DCC: variants seen among roughly 807,000 people sequenced by gnomAD.
The protein encoded by DCC is DCC netrin 1 receptor, also known as netrin receptor DCC.
Under a neutral mutation model 172.5 loss-of-function variants are expected in DCC, and 58 were observed. The ratio of observed to expected loss-of-function variants is 0.34; its 90% CI spans 0.27 to 0.42. DCC has a LOEUF of 0.42. DCC is among the 10% of genes least tolerant of loss of function. The pLI, the probability that DCC is intolerant of heterozygous loss-of-function variation, is 1.00. For missense variants in DCC, 1,740 were observed against 1,791.0 expected (o/e 0.97, Z 0.51); for synonymous variants, 709 against 644.5 (o/e 1.10, Z -1.52).
intron 9 of DCC, among the ~76,000 whole-genome samples, chr18:53,199,602 A>G (rs2055504170): frequency 2.3e-5 from 1 of 42,648 alleles, no homozygotes; most frequent in African/African-American, 8.2e-5. Flanking sequence ...ATATATATGT[A>G]AGAACATATA....
intron 8 of DCC, among the ~76,000 whole-genome samples, chr18:53,171,583 C>A (rs1470677756): frequency 6.6e-6 from 1 of 152,098 alleles, no homozygotes; most frequent in Non-Finnish European, 1.5e-5. Flanking sequence ...ATTATTAAAT[C>A]TTCCCCATTA....
At chr18:52,348,913 T>C (rs573842821) in intron 1 of DCC, among the ~76,000 whole-genome samples, 1 of 152,280 alleles carries the variant, frequency 6.6e-6, no homozygotes, top group African/African-American at 2.4e-5. Context: ...TGTGTCTTTA[T>C]AGAGAATCAT....
At chr18:52,975,154 C>G (rs969797690) in intron 5 of DCC, among the ~76,000 whole-genome samples, 2 of 152,088 alleles carry the variant, frequency 1.3e-5, no homozygotes, top group African/African-American at 4.8e-5. Context: ...CTAGTAACCT[C>G]GACCACATAT....
intron 8 of DCC, among the ~76,000 whole-genome samples, chr18:53,172,629 T>C (rs552060978): frequency 2.0e-5 from 3 of 152,114 alleles, no homozygotes; most frequent in Non-Finnish European, 4.4e-5. Flanking sequence ...AGGTGTTTGA[T>C]AGGCAAATAT....
intron 7 of DCC, among the ~76,000 whole-genome samples, chr18:53,143,961 A>C (rs2043868194): frequency 1.3e-5 from 2 of 152,204 alleles, no homozygotes; most frequent in African/African-American, 4.8e-5. Flanking sequence ...ATACTGAAAT[A>C]ATTCTCTTTG....
intron 15 of DCC, among the ~76,000 whole-genome samples, chr18:53,374,360 A>G (rs866520653): frequency 9.2e-5 from 14 of 152,214 alleles, no homozygotes; most frequent in Admixed American, 3.9e-4. Context: ...ATAATGAAAA[A>G]AGCAGAAGCA....
At chr18:53,137,764 A>G (rs1319455197) in intron 7 of DCC, among the ~76,000 whole-genome samples, 1 of 152,086 alleles carries the variant, frequency 6.6e-6, no homozygotes, top group Non-Finnish European at 1.5e-5. Context: ...TTATATACAT[A>G]TACTTAATAA....
intron 1 of DCC, among the ~76,000 whole-genome samples, chr18:52,666,226 G>A (rs1380286897): frequency 3.3e-5 from 5 of 152,108 alleles, no homozygotes; most frequent in South Asian, 2.1e-4. Flanking sequence ...CCCAGGAGGC[G>A]GAGGTTGCGG....
chr18:53,214,410 C>T (rs965227627), intron 11 of DCC, among the ~76,000 whole-genome samples: 28 of 152,198 alleles, frequency 1.8e-4, no homozygotes, highest in African/African-American at 4.8e-4. Context: ...AAAGATTAAT[C>T]GGTGGCACAT....
At chr18:53,376,331 C>G (rs181700976) in intron 15 of DCC, among the ~76,000 whole-genome samples, 5 of 152,136 alleles carry the variant, frequency 3.3e-5, no homozygotes, top group Admixed American at 3.3e-4. Context: ...TTGCAGTGAG[C>G]CAAGATAGCG....
At position 53,532,757 on chromosome 18, in the gene DCC, TTGCAAATCTCAGA is replaced by T. The variant is rs2046536313; in HGVS notation, c.*2106_*2118del. 6.6e-6 allele frequency: 1 copy of T among 151,732 alleles called. No individual in the cohort carries two copies. Among genetic ancestry groups the T allele is most frequent in the Non-Finnish European group, 1.5e-5 (1 of 67,996 alleles). 9.4% of individuals were successfully genotyped at this position (151,732 alleles called of 1,614,324 possible). ...TCCTGAGTGCTCAGTTTGGAATAGG[TTGCAAATCTCAGA>T]TTTTAGGGATTGAGTCACACCTTCA... On this transcript the variant is annotated 3_prime_UTR_variant, in exon 29 of 29. Transcript: ENST00000442544.
chr18:52,686,639 T>C (rs1205963395), intron 1 of DCC, among the ~76,000 whole-genome samples: 1 of 152,128 alleles, frequency 6.6e-6, no homozygotes. Flanking sequence ...ATGGACAATT[T>C]CTATTTCTTG....
intron 1 of DCC, among the ~76,000 whole-genome samples, chr18:52,649,040 T>C (rs565874768): frequency 7.2e-5 from 11 of 152,296 alleles, no homozygotes; most frequent in African/African-American, 2.6e-4. Context: ...TCTAGTGCAT[T>C]AGAAATCTCC....
rs2057595130 is a variant in DCC, at chr18:53,336,680, T to C, written c.2165-3033T>C. On this transcript the variant is annotated intron_variant, in intron 14 of 28. Transcript: ENST00000442544. Reference sequence around the variant, plus strand: ...CAGCCTGAACAACATAGCAAAACTCTGTCTCTACAAAAACATAAAAATAAA... The same window carrying C: ...CAGCCTGAACAACATAGCAAAACTCCGTCTCTACAAAAACATAAAAATAAA... 2.0e-5 allele frequency among the ~76,000 whole-genome samples: 3 copies of C among 152,154 alleles called. No homozygotes were observed. The South Asian group carries it at 6.2e-4, about 32-fold the overall frequency.
At chr18:52,504,097 T>A (rs1162567839) in intron 1 of DCC, among the ~76,000 whole-genome samples, 1 of 152,094 alleles carries the variant, frequency 6.6e-6, no homozygotes, top group East Asian at 1.9e-4. Context: ...CACTGACCCT[T>A]CTTTCCCACC....
intron 1 of DCC, among the ~76,000 whole-genome samples, chr18:52,662,037 T>C (rs996721597): frequency 6.6e-6 from 1 of 152,112 alleles, no homozygotes; most frequent in Non-Finnish European, 1.5e-5. Context: ...AGAAGACAAA[T>C]ATAGAATGTA....
At chr18:53,061,184 G>A (rs988387076) in intron 5 of DCC, among the ~76,000 whole-genome samples, 2 of 152,074 alleles carry the variant, frequency 1.3e-5, no homozygotes, top group South Asian at 4.1e-4. Flanking sequence ...GTGAGAGAAG[G>A]ACTTGAGATT....
At chr18:53,076,943 C>G (rs992826300) in intron 7 of DCC, among the ~76,000 whole-genome samples, 2 of 152,136 alleles carry the variant, frequency 1.3e-5, no homozygotes, top group East Asian at 3.9e-4. Context: ...CCATTCTTGC[C>G]TCTGTAGCCT....
intron 9 of DCC, among the ~76,000 whole-genome samples, chr18:53,188,328 C>T (rs181254535): frequency 1.3e-5 from 2 of 152,308 alleles, no homozygotes; most frequent in East Asian, 3.9e-4. Context: ...GGCAGTTTCT[C>T]TTCCTGAAAT....
Sources: allele counts gnomAD v4.1 joint callset (sites outside exome capture counted in the v4.1 genomes callset), GRCh38; gene constraint gnomAD v4.1.1; transcripts MANE v1.5; gene names NCBI Gene and HGNC (gene_info 2026-07-23, HGNC 2026-07-21).